Variants in VCAN observed in about 807,000 individuals in gnomAD.
VCAN encodes the protein versican, also known as versican core protein.
In VCAN, 44 loss-of-function variants were observed where a neutral mutation model predicts 245.5. That is an observed-to-expected ratio of 0.18 (90% CI 0.14 to 0.23). The LOEUF is 0.23. Among genes scored for constraint, VCAN ranks in the 10% least tolerant of loss-of-function variants. The probability of loss-of-function intolerance (pLI) is 1.00; values close to 1 mark genes in which losing one functional copy is unlikely to be tolerated. For missense variants in VCAN, 3,793 were observed against 4,057.9 expected, an observed-to-expected ratio of 0.93 and a Z score of 1.77; for synonymous variants, 1,413 against 1,437.0, an observed-to-expected ratio of 0.98 and a Z score of 0.38.
intron 1 of VCAN, among the ~76,000 whole-genome samples, chr5:83,475,355 C>G (rs1015986293): frequency 6.6e-6 from 1 of 152,228 alleles, no homozygotes; most frequent in African/African-American, 2.4e-5. Context: ...TTTTAAAGAT[C>G]TTTTCCATCA....
At chr5:83,496,622 C>T (rs1035298218) in intron 5 of VCAN, among the ~76,000 whole-genome samples, 1 of 152,156 alleles carries the variant, frequency 6.6e-6, no homozygotes, top group Non-Finnish European at 1.5e-5. Context: ...AACACTGTTC[C>T]TGACATTTTT....
At chr5:83,518,137 C>T (rs919670404) in intron 6 of VCAN, among the ~76,000 whole-genome samples, 25 of 152,138 alleles carry the variant, frequency 1.6e-4, no homozygotes, top group African/African-American at 6.0e-4. Flanking sequence ...AGCTTTAAGT[C>T]CTATAGGATG....
intron 11 of VCAN, among the ~76,000 whole-genome samples, chr5:83,554,666 A>G (rs1306773840): frequency 6.6e-6 from 1 of 152,212 alleles, no homozygotes; most frequent in Non-Finnish European, 1.5e-5. Flanking sequence ...GAAAATTTCT[A>G]TCATGAGTGA....
At chr5:83,574,574 G>C (rs1748407057) in intron 13 of VCAN, among the ~76,000 whole-genome samples, 1 of 152,146 alleles carries the variant, frequency 6.6e-6, no homozygotes, top group East Asian at 1.9e-4. Flanking sequence ...TTAGATGTTA[G>C]GGATTTTAAC....
In VCAN at chr5:83,535,281, T is replaced by C. The variant is rs113216080; in HGVS notation, c.4004-1726T>C. Among the ~76,000 whole-genome samples the C allele has an allele frequency of 4.9e-3, 744 of 152,086 alleles. 3 individuals carry two copies. The highest frequency in any genetic ancestry group is 7.8e-3 in the Non-Finnish European group (528 of 67,902). On this transcript the variant is annotated intron_variant, in intron 7 of 14. Transcript: ENST00000265077. ...GAATGGAGAGAGAAGAAATGAACTG[T>C]AGTGTGTAAAATTTCAATAGGAAGG... is the stretch of plus-strand genomic sequence containing the variant.
At position 83,545,548 on chromosome 5, in the gene VCAN, T is replaced by C. The variant is rs1561261788; in HGVS notation, c.9277T>C (p.Cys3093Arg). ...TAIYLPGPDR[C>R]KMNPCLNGGT... The stretch of plus-strand genomic sequence containing the variant: ...CCTGAATATGGTAGGACCTGATCGC[T>C]GCAAAATGAACCCGTGCCTTAACGG... The change falls in exon 9 of 15, where the codon TGC (cysteine) becomes CGC (arginine). Residue 3093 changes from cysteine (C) to arginine (R), a missense_variant. Physicochemically the swap from Cys to Arg is radical, Grantham distance 180. Around this residue, in one of 5 missense-constraint regions of VCAN, gnomAD observed 3,182 missense variants for 3,250.3 expected, o/e 0.98. Transcript: ENST00000265077. 6.2e-7 allele frequency: 1 copy of C among 1,614,108 alleles called. No individual in the cohort carries two copies. The highest frequency in any genetic ancestry group is 8.5e-7 in the Non-Finnish European group (1 of 1,179,968).
At chr5:83,564,124 T>A (rs1274319277) in intron 12 of VCAN, among the ~76,000 whole-genome samples, 1 of 152,234 alleles carries the variant, frequency 6.6e-6, no homozygotes, top group East Asian at 1.9e-4. Flanking sequence ...TCTTGCAAAG[T>A]GTTCTCTTTG....
intron 12 of VCAN, among the ~76,000 whole-genome samples, chr5:83,570,587 G>A (rs900762938): frequency 4.6e-5 from 7 of 152,110 alleles, no homozygotes; most frequent in African/African-American, 1.7e-4. Flanking sequence ...GTAAACTAGA[G>A]CTTATTGGTA....
Position 83,540,496 on chromosome 5 carries a change from G to T in VCAN, c.7493G>T (p.Ser2498Ile), listed in dbSNP as rs761405097. ...CCTCTTCATTCAGAGCAGAACAAAAGCTCCCCTGATCCAACTAGCACACTG... is the reference window on the plus strand; with the variant it reads ...CCTCTTCATTCAGAGCAGAACAAAATCTCCCCTGATCCAACTAGCACACTG... The part of the protein sequence containing the change: ...MLPLHSEQNK[S>I]SPDPTSTLSN... Residue 2498 changes from serine (S) to isoleucine (I), a missense_variant, in exon 8 of 15, where the codon AGC becomes ATC. Physicochemically the swap from Ser to Ile is moderately radical, Grantham distance 142. Coordinates refer to ENST00000265077, the MANE Select transcript of VCAN (RefSeq NM_004385.5). 168 of 1,613,778 alleles carry T rather than the reference G, an allele frequency of 1.0e-4. No individual in the cohort carries two copies. The highest frequency in any genetic ancestry group is 1.6e-4 in the Middle Eastern group (1 of 6,084).
At chr5:83,501,558 A>T (rs1745330742) in intron 5 of VCAN, among the ~76,000 whole-genome samples, 1 of 152,204 alleles carries the variant, frequency 6.6e-6, no homozygotes, top group Admixed American at 6.5e-5. Flanking sequence ...TTATTTCTCC[A>T]TTTAATGACC....
intron 12 of VCAN, among the ~76,000 whole-genome samples, chr5:83,566,014 A>G (rs892612839): frequency 6.8e-6 from 1 of 146,270 alleles, no homozygotes; most frequent in East Asian, 2.0e-4. Context: ...CCCAGGCTGG[A>G]GTGCAATGGC....
At chr5:83,562,141 G>A (rs762616222) in intron 12 of VCAN, 11 of 152,110 alleles carry the variant, frequency 7.2e-5, no homozygotes, top group Non-Finnish European at 1.3e-4. Context: ...AAGTCACACT[G>A]CATATCAACA....
At chr5:83,476,732 A>G (rs552437741) in intron 1 of VCAN, among the ~76,000 whole-genome samples, 1 of 152,128 alleles carries the variant, frequency 6.6e-6, no homozygotes, top group Non-Finnish European at 1.5e-5. Flanking sequence ...AAACACTGCT[A>G]AGTTCTTACC....
In VCAN at chr5:83,553,325, G is replaced by A. The variant is rs150070035; in HGVS notation, c.9494-39G>A. The A allele has an allele frequency of 2.2e-5, 35 of 1,613,040 alleles. 1 individual carries two copies. Among genetic ancestry groups the A allele is most frequent in the South Asian group, 1.1e-4 (10 of 91,056 alleles). On this transcript the variant is annotated intron_variant, in intron 10 of 14. Transcript: ENST00000265077. The stretch of plus-strand genomic sequence containing the variant: ...GTTGGGGGTGCCAAGTTTGAATGAC[G>A]TATGTGCGTTTAATAAGCTCCTGCC...
rs149661891 is a variant in VCAN at position 83,520,474 on chromosome 5, G to A, written c.2168G>A (p.Gly723Glu). The A allele has an allele frequency of 1.4e-5, 23 of 1,613,824 alleles. No homozygotes were observed. In the African/African-American group the frequency reaches 2.8e-4, roughly 20 times the overall value. Residue 723 changes from glycine (G) to glutamate (E), a missense_variant, in exon 7 of 15, where the codon GGG becomes GAG. Physicochemically the swap from Gly to Glu is moderately conservative, Grantham distance 98. Coordinates refer to ENST00000265077, the MANE Select transcript of VCAN (RefSeq NM_004385.5). Reference sequence around the variant, plus strand: ...AAAACAGAAGAAGAAGTCTTCTCTGGGATGAAACTCTCTACATCTCTCTCA... The same window carrying A: ...AAAACAGAAGAAGAAGTCTTCTCTGAGATGAAACTCTCTACATCTCTCTCA... Reference protein sequence around the residue: ...MGKTEEEVFSGMKLSTSLSEP... With the variant: ...MGKTEEEVFSEMKLSTSLSEP...
At chr5:83,551,916 A>G (rs1747485519) in intron 10 of VCAN, among the ~76,000 whole-genome samples, 1 of 152,188 alleles carries the variant, frequency 6.6e-6, no homozygotes, top group Non-Finnish European at 1.5e-5. Context: ...CTACTTTTAT[A>G]CCAAACCATC....
In VCAN at chr5:83,572,181, T is replaced by C. The variant is rs146986149; in HGVS notation, c.9736-235T>C. 1.6e-3 allele frequency among the ~76,000 whole-genome samples: 245 copies of C among 152,314 alleles called. 1 individual carries two copies. The highest frequency in any genetic ancestry group is 5.7e-3 in the African/African-American group (235 of 41,564). On this transcript the variant is annotated intron_variant, in intron 12 of 14. Transcript: ENST00000265077. ...AATCTAGAATAACTAGGCCAAAATT[T>C]GTCCATGATATCTCATTGCCAAATA...
chr5:83,512,721 G>A (rs1393231132), intron 6 of VCAN: 1 of 211,930 alleles, frequency 4.7e-6, no homozygotes, highest in Admixed American at 5.3e-5. Context: ...TTTGTTTATT[G>A]GTGTTACAAT....
At chr5:83,526,543 A>G (rs1386756385) in intron 7 of VCAN, among the ~76,000 whole-genome samples, 1 of 152,206 alleles carries the variant, frequency 6.6e-6, no homozygotes, top group Non-Finnish European at 1.5e-5. Context: ...ACCTCACAAC[A>G]CAGCTAGAAA....
Sources: allele counts gnomAD v4.1 joint callset (sites outside exome capture counted in the v4.1 genomes callset), GRCh38; gene constraint gnomAD v4.1.1; regional missense constraint gnomAD v4.1.1; transcripts MANE v1.5; gene names NCBI Gene and HGNC (gene_info 2026-07-23, HGNC 2026-07-21).